Variants in GABRR3 observed in about 807,000 individuals in gnomAD.
GABRR3 encodes the protein gamma-aminobutyric acid receptor subunit rho-3.
Under a neutral mutation model 43.2 loss-of-function variants are expected in GABRR3, and 29 were observed. That is an observed-to-expected ratio of 0.67 (90% CI 0.50 to 0.92). The LOEUF (loss-of-function observed/expected upper bound fraction) is 0.92. GABRR3 is among the 40% of genes least tolerant of loss of function. The pLI is 0.00. For synonymous variants in GABRR3, 206 were observed against 195.9 expected (o/e 1.05, Z -0.43); for missense variants, 576 against 572.3 (o/e 1.01, Z -0.07).
chr3:97,987,576 A>T (rs1706404495), intron 9 of GABRR3, among the ~76,000 whole-genome samples: 2 of 152,170 alleles, frequency 1.3e-5, no homozygotes, highest in South Asian at 4.1e-4. Context: ...TATCGGATGA[A>T]ATTATTCAGA....
chr3:98,021,145 G>A (rs551918965), intron 3 of GABRR3, among the ~76,000 whole-genome samples: 28 of 152,058 alleles, frequency 1.8e-4, no homozygotes, highest in African/African-American at 4.6e-4. Context: ...GATTACAGGC[G>A]TGAGCCACTG....
At chr3:97,990,339 A>G (rs1207557066) in intron 9 of GABRR3, among the ~76,000 whole-genome samples, 1 of 151,716 alleles carries the variant, frequency 6.6e-6, no homozygotes, top group Admixed American at 6.6e-5. Context: ...TTTGCCATCA[A>G]GACTTCTTCT....
At chr3:98,002,109 A>G (rs1026622124) in intron 7 of GABRR3, among the ~76,000 whole-genome samples, 1 of 152,142 alleles carries the variant, frequency 6.6e-6, no homozygotes, top group African/African-American at 2.4e-5. Context: ...CATGACTAAT[A>G]ATGGCATAAA....
At chr3:97,995,619 A>G (rs1706541820) in intron 8 of GABRR3, among the ~76,000 whole-genome samples, 1 of 151,354 alleles carries the variant, frequency 6.6e-6, no homozygotes, top group Non-Finnish European at 1.5e-5. Context: ...AAAAAAAAAG[A>G]ATTAGAGTGG....
chr3:98,008,811 A>G, intron 6 of GABRR3, 145 bp downstream of exon 6: 1 of 419,992 alleles, frequency 2.4e-6, no homozygotes, highest in Non-Finnish European at 4.2e-6. Flanking sequence ...AAAAAAAAAA[A>G]AAAAAAAGAA....
chr3:98,023,665 A>G (rs1161116262), intron 3 of GABRR3, among the ~76,000 whole-genome samples: 1 of 118,854 alleles, frequency 8.4e-6, no homozygotes, highest in East Asian at 2.9e-4. Context: ...AAAAAAAGAT[A>G]AAGAAATAGT....
chr3:97,995,451 G>A (rs1706523469), intron 8 of GABRR3, among the ~76,000 whole-genome samples: 1 of 151,736 alleles, frequency 6.6e-6, no homozygotes, highest in African/African-American at 2.4e-5. Context: ...ATAACTACTG[G>A]GCAAATAAAA....
exon 8 of GABRR3, chr3:98,001,655 A>T: frequency 6.2e-7 from 1 of 1,613,312 alleles, no homozygotes; most frequent in African/African-American, 1.3e-5. Context: ...GGTCAATCCA[A>T]AATGAAACCC....
chr3:97,986,196 T>C (rs1219899973), downstream of GABRR3, among the ~76,000 whole-genome samples: 1 of 152,158 alleles, frequency 6.6e-6, no homozygotes, highest in Admixed American at 6.5e-5. Flanking sequence ...AATAAATACT[T>C]GACTGGAGAA....
chr3:98,009,569 A>G (rs1324439896), intron 5 of GABRR3, among the ~76,000 whole-genome samples: 1 of 152,216 alleles, frequency 6.6e-6, no homozygotes, highest in East Asian at 1.9e-4. Context: ...TAATTCAGGT[A>G]CTATTAAGCC....
chr3:98,001,488 G>T (rs1706640924), intron 8 of GABRR3, 127 bp downstream of exon 8: 2 of 965,014 alleles, frequency 2.1e-6, no homozygotes, highest in Non-Finnish European at 3.1e-6. Context: ...CTGCAACCTG[G>T]ATGTTCATCT....
rs368305793 is a variant in GABRR3 at position 98,025,718 on chromosome 3, A to C, written c.126-39T>G. The C allele has an allele frequency of 5.0e-5, 67 of 1,332,118 alleles. No homozygotes were observed. The African/African-American group carries it at 9.6e-4, about 19-fold the overall frequency. 82.5% of individuals were successfully genotyped at this position (1,332,118 alleles called of 1,614,324 possible). ...GGGAAAAAAAAAACTTCTGAGATAC[A>C]TATGCTTCTGGATATTTTGATTTAG... On this transcript the variant is annotated intron_variant, in intron 2 of 9. Coordinates refer to ENST00000621172, the Ensembl canonical transcript of GABRR3.
intron 4 of GABRR3, among the ~76,000 whole-genome samples, chr3:98,013,161 CAA>C (rs2107240162): frequency 6.6e-6 from 1 of 152,266 alleles, no homozygotes; most frequent in South Asian, 2.1e-4. Context: ...TGGTAGTTCT[CAA>C]AGTTTAGTGT....
At chr3:98,017,605 C>A in intron 4 of GABRR3, 50 bp downstream of exon 4, 3 of 1,325,046 alleles carry the variant, frequency 2.3e-6, no homozygotes, top group South Asian at 2.5e-5. Context: ...TTGACACTGC[C>A]GAGTTTCTGT....
chr3:97,988,735 G>C (rs1017082135), intron 9 of GABRR3, among the ~76,000 whole-genome samples: 2 of 151,574 alleles, frequency 1.3e-5, no homozygotes, highest in Non-Finnish European at 1.5e-5. Context: ...GGTGGTGGTA[G>C]GTATTGGTGT....
intron 9 of GABRR3, among the ~76,000 whole-genome samples, chr3:97,989,385 G>T (rs1466028967): frequency 6.7e-6 from 1 of 149,426 alleles, no homozygotes; most frequent in Non-Finnish European, 1.5e-5. Flanking sequence ...ATGGTGGTTA[G>T]GGGTAGATAG....
chr3:97,986,068 G>C (rs1265068363), downstream of GABRR3, among the ~76,000 whole-genome samples: 1 of 152,136 alleles, frequency 6.6e-6, no homozygotes. Context: ...GTTTCACCAT[G>C]TTGGCCAGGC....
At chr3:98,027,125 A>G (rs1707026915) in intron 2 of GABRR3, among the ~76,000 whole-genome samples, 1 of 152,204 alleles carries the variant, frequency 6.6e-6, no homozygotes, top group Non-Finnish European at 1.5e-5. Flanking sequence ...TCAAGGAGCT[A>G]GAATGAACTA....
intron 9 of GABRR3, among the ~76,000 whole-genome samples, chr3:97,990,753 G>T (rs563913261): frequency 4.0e-5 from 6 of 150,930 alleles, no homozygotes; most frequent in South Asian, 4.2e-4. Flanking sequence ...GATAATTGAG[G>T]ATGCTTAGAA....
Sources: gnomAD v4.1 joint callset for allele counts (sites outside exome capture counted in the v4.1 genomes callset) on GRCh38, gnomAD v4.1.1 for gene constraint, MANE v1.5 for transcripts, NCBI Gene and HGNC (gene_info 2026-07-23, HGNC 2026-07-21) for gene names.